Variants in LRRC7 observed in about 807,000 individuals in gnomAD.
LRRC7 encodes leucine-rich repeat-containing protein 7.
In LRRC7, 23 loss-of-function variants were observed where a neutral mutation model predicts 175.7. The observed-to-expected ratio is 0.13, with a 90% CI of 0.09 to 0.19. The LOEUF is 0.19. Ranked by LOEUF, LRRC7 falls within the 10% of genes least tolerant of loss-of-function variation. The pLI, the probability that LRRC7 is intolerant of heterozygous loss-of-function variation, is 1.00. For missense variants in LRRC7, 1,354 were observed against 1,904.7 expected, an observed-to-expected ratio of 0.71 and a Z score of 5.38; for synonymous variants, 685 against 680.9, an observed-to-expected ratio of 1.01 and a Z score of -0.09.
rs902278771 is a variant in LRRC7 at position 69,597,740 on chromosome 1, A to G, written c.2+29099A>G. Among the ~76,000 whole-genome samples the G allele has an allele frequency of 2.0e-5, 3 of 152,348 alleles. No individual in the cohort carries two copies. The East Asian group carries it at 5.8e-4, about 29-fold the overall frequency. On this transcript the variant is annotated intron_variant, in intron 1 of 26. Coordinates refer to ENST00000651989, the MANE Select transcript of LRRC7 (RefSeq NM_001370785.2). ...TACAAAGTAGAGCTATCCGAGGGAC[A>G]TTCTTCTAGATAGACATCTATTTCA...
chr1:69,778,034 C>A (rs969381320), intron 3 of LRRC7, among the ~76,000 whole-genome samples: 1 of 152,218 alleles, frequency 6.6e-6, no homozygotes, highest in Non-Finnish European at 1.5e-5. Flanking sequence ...GCAATCTCTT[C>A]CTTCTTCTGC....
At chr1:70,078,802 G>GCACA (rs1407078869) in intron 24 of LRRC7, among the ~76,000 whole-genome samples, 2 of 104,510 alleles carry the variant, frequency 1.9e-5, no homozygotes, top group African/African-American at 1.1e-4. Context: ...ACGCGCGCGC[G>GCACA]CGCGCGCGCA....
At chr1:70,113,163 A>G (rs1558078948) in intron 26 of LRRC7, among the ~76,000 whole-genome samples, 1 of 152,166 alleles carries the variant, frequency 6.6e-6, no homozygotes, top group African/African-American at 2.4e-5. Context: ...TTGTACACAG[A>G]TATATATACA....
chr1:69,839,962 A>T (rs916007305), intron 7 of LRRC7, among the ~76,000 whole-genome samples: 13 of 152,058 alleles, frequency 8.5e-5, no homozygotes, highest in Non-Finnish European at 1.5e-4. Context: ...CCAGTATTAA[A>T]CAGAATTAAA....
chr1:69,646,130 T>C (rs182845632), intron 1 of LRRC7, among the ~76,000 whole-genome samples: 7 of 152,228 alleles, frequency 4.6e-5, no homozygotes, highest in African/African-American at 1.4e-4. Context: ...TCCCTTTTTT[T>C]CAAACTGAGA....
rs1350289268 is a variant in LRRC7, at chr1:70,142,548, G to A, written c.*20661G>A. ...AAGGAAGCTTAAGGATAATGACATT[G>A]TCTTCATATGAAGAAGAAATTTTTT... On this transcript the variant is annotated 3_prime_UTR_variant, in exon 27 of 27. Transcript: ENST00000651989. 3 of 151,810 alleles carry A rather than the reference G, an allele frequency of 2.0e-5. No homozygotes were observed. Among genetic ancestry groups the A allele is most frequent in the Non-Finnish European group, 4.4e-5 (3 of 67,942 alleles). 9.4% of individuals were successfully genotyped at this position (151,810 alleles called of 1,614,324 possible).
At chr1:69,598,765 A>T (rs1017014056) in intron 1 of LRRC7, among the ~76,000 whole-genome samples, 1 of 152,190 alleles carries the variant, frequency 6.6e-6, no homozygotes, top group Admixed American at 6.6e-5. Flanking sequence ...ATGTTTCTCA[A>T]TACAAAAGGA....
intron 7 of LRRC7, among the ~76,000 whole-genome samples, chr1:69,894,955 C>A (rs1361134089): frequency 6.6e-6 from 1 of 152,102 alleles, no homozygotes; most frequent in Admixed American, 6.6e-5. Context: ...GGCCGGGGGG[C>A]GTGGCTCACA....
At chr1:69,879,183 T>C (rs1686319366) in intron 7 of LRRC7, among the ~76,000 whole-genome samples, 1 of 130,424 alleles carries the variant, frequency 7.7e-6, no homozygotes, top group African/African-American at 3.0e-5. Context: ...TGCTTTCCTC[T>C]CAATTTTGCT....
intron 25 of LRRC7, among the ~76,000 whole-genome samples, chr1:70,092,445 C>T (rs924429829): frequency 1.3e-5 from 2 of 152,130 alleles, no homozygotes; most frequent in East Asian, 3.9e-4. Flanking sequence ...CCTTACTGCT[C>T]ATGGATGTTT....
chr1:69,627,692 G>T (rs2477571), intron 1 of LRRC7, among the ~76,000 whole-genome samples: 19,527 of 152,014 alleles, frequency 0.13, 1,601 homozygotes, highest in South Asian at 0.19. Flanking sequence ...TTCTTCTAGG[G>T]TTTTTATGGT....
At chr1:69,726,467 G>A (rs1376750617) in intron 2 of LRRC7, among the ~76,000 whole-genome samples, 1 of 152,174 alleles carries the variant, frequency 6.6e-6, no homozygotes, top group Non-Finnish European at 1.5e-5. Flanking sequence ...TGGTCATAGT[G>A]TAAAGGATGG....
intron 2 of LRRC7, among the ~76,000 whole-genome samples, chr1:69,731,461 C>G (rs574153225): frequency 1.2e-4 from 18 of 152,088 alleles, no homozygotes; most frequent in Non-Finnish European, 2.4e-4. Context: ...AGATATAGCC[C>G]AACCATATCA....
intron 7 of LRRC7, among the ~76,000 whole-genome samples, chr1:69,881,696 G>A (rs12049401): frequency 0.15 from 21,962 of 149,296 alleles, 2,380 homozygotes; most frequent in African/African-American, 0.31. Flanking sequence ...GGGCAACATA[G>A]TAAGATCCCC....
At chr1:70,073,096 C>A (rs1662512269) in intron 23 of LRRC7, among the ~76,000 whole-genome samples, 1 of 152,068 alleles carries the variant, frequency 6.6e-6, no homozygotes, top group Non-Finnish European at 1.5e-5. Context: ...TTGTCCTCAG[C>A]AAAATTGGAT....
chr1:69,752,004 T>C (rs1285766773), intron 2 of LRRC7, among the ~76,000 whole-genome samples: 3 of 152,114 alleles, frequency 2.0e-5, no homozygotes, highest in Non-Finnish European at 4.4e-5. Context: ...TGTACAAGGA[T>C]TACAGACTTT....
At chr1:70,059,082 C>A (rs1346536296) in intron 23 of LRRC7, among the ~76,000 whole-genome samples, 2 of 152,114 alleles carry the variant, frequency 1.3e-5, no homozygotes, top group African/African-American at 4.8e-5. Context: ...AATGGATAAC[C>A]AAGAAACTAT....
At chr1:69,592,455 A>G (rs1646676297) in intron 1 of LRRC7, among the ~76,000 whole-genome samples, 1 of 151,994 alleles carries the variant, frequency 6.6e-6, no homozygotes, top group Non-Finnish European at 1.5e-5. Context: ...ACACTTGAAT[A>G]TTTTCATAAC....
chr1:69,670,376 A>T (rs911902807), intron 1 of LRRC7, among the ~76,000 whole-genome samples: 6 of 152,158 alleles, frequency 3.9e-5, no homozygotes, highest in African/African-American at 1.4e-4. Context: ...CGTTTCCCTT[A>T]CTTTCTCCCA....
Sources: gnomAD v4.1 joint callset for allele counts (sites outside exome capture counted in the v4.1 genomes callset) on GRCh38, gnomAD v4.1.1 for gene constraint, MANE v1.5 for transcripts, NCBI Gene and HGNC (gene_info 2026-07-23, HGNC 2026-07-21) for gene names.